SSBP2: variants seen among roughly 807,000 people sequenced by gnomAD.
SSBP2 encodes the protein single-stranded DNA-binding protein 2.
Under a neutral mutation model 61.8 loss-of-function variants are expected in SSBP2, and 17 were observed. That is an observed-to-expected ratio of 0.28 (90% confidence interval 0.19 to 0.41). SSBP2 has a LOEUF of 0.41. Ranked by LOEUF, SSBP2 falls within the 10% of genes least tolerant of loss-of-function variation. The probability of loss-of-function intolerance (pLI) is 1.00; values close to 1 mark genes in which losing one functional copy is unlikely to be tolerated. For synonymous variants in SSBP2, 139 were observed against 141.3 expected (o/e 0.98, Z 0.12); for missense variants, 310 against 458.7 (o/e 0.68, Z 2.96).
At chr5:81,473,825 G>C (rs1186784351) in intron 7 of SSBP2, 55 bp from the exon 8 acceptor site, 1 of 1,494,398 alleles carries the variant, frequency 6.7e-7, no homozygotes, top group Non-Finnish European at 9.3e-7. Context: ...CTAAACCAGA[G>C]GCTAGCAGCT....
At chr5:81,594,899 T>C (rs1453667295) in intron 4 of SSBP2, among the ~76,000 whole-genome samples, 5 of 152,008 alleles carry the variant, frequency 3.3e-5, no homozygotes, top group Non-Finnish European at 5.9e-5. Flanking sequence ...AGGAAAGATC[T>C]AAAATTGACA....
At chr5:81,638,159 C>T (rs1354845266) in intron 2 of SSBP2, among the ~76,000 whole-genome samples, 1 of 150,382 alleles carries the variant, frequency 6.6e-6, no homozygotes, top group Non-Finnish European at 1.5e-5. Flanking sequence ...TGCTAGATGA[C>T]GAGTTAGTGG....
At chr5:81,598,599 C>A (rs1388781301) in intron 4 of SSBP2, among the ~76,000 whole-genome samples, 1 of 152,162 alleles carries the variant, frequency 6.6e-6, no homozygotes, top group Admixed American at 6.5e-5. Flanking sequence ...CTCCAACCCA[C>A]CCTTCTTATT....
chr5:81,599,758 T>A (rs1311701370), intron 4 of SSBP2, among the ~76,000 whole-genome samples: 1 of 152,246 alleles, frequency 6.6e-6, no homozygotes, highest in East Asian at 1.9e-4. Flanking sequence ...TTCTGGCCGT[T>A]ATAGCAGGTA....
In SSBP2 at chr5:81,413,043, G is replaced by A. The variant is rs1274402866; in HGVS notation, c.*7461C>T. 6.6e-6 allele frequency: 1 copy of A among 152,146 alleles called. No homozygotes were observed. The highest frequency in any genetic ancestry group is 1.5e-5 in the Non-Finnish European group (1 of 68,002). 9.4% of individuals were successfully genotyped at this position (152,146 alleles called of 1,614,324 possible). A position where few individuals can be genotyped will look rare whatever the true frequency, so the allele number is the denominator to read the frequency against. On this transcript the variant is annotated 3_prime_UTR_variant, in exon 17 of 17. Coordinates refer to ENST00000320672, the MANE Select transcript of SSBP2 (RefSeq NM_012446.5). ...ATGTCCACATTAGTTATATTTTGAT[G>A]TTTATGCTGGCTTCATACAAACTTG...
intron 1 of SSBP2, among the ~76,000 whole-genome samples, chr5:81,709,332 A>G (rs1754613686): frequency 6.6e-6 from 1 of 151,784 alleles, no homozygotes; most frequent in African/African-American, 2.4e-5. Flanking sequence ...GCAAATAATT[A>G]TTTTTCCATT....
intron 4 of SSBP2, among the ~76,000 whole-genome samples, chr5:81,589,331 TAAAAC>T (rs1775319892): frequency 6.6e-6 from 1 of 152,254 alleles, no homozygotes; most frequent in African/African-American, 2.4e-5. Flanking sequence ...GGAAATTAGA[TAAAAC>T]AAAAGACAAA....
At chr5:81,428,294 C>T (rs752111430) in intron 16 of SSBP2, among the ~76,000 whole-genome samples, 5 of 152,170 alleles carry the variant, frequency 3.3e-5, no homozygotes, top group Non-Finnish European at 5.9e-5. Flanking sequence ...AGCATGAAAA[C>T]TTATAAAAAG....
At chr5:81,484,447 T>C (rs1467551206) in intron 6 of SSBP2, among the ~76,000 whole-genome samples, 3 of 152,002 alleles carry the variant, frequency 2.0e-5, no homozygotes, top group Non-Finnish European at 4.4e-5. Flanking sequence ...CCTATAAAGG[T>C]AGAACAAAAT....
chr5:81,620,344 C>A (rs1452901144), intron 3 of SSBP2, among the ~76,000 whole-genome samples: 1 of 132,840 alleles, frequency 7.5e-6, no homozygotes, highest in Non-Finnish European at 1.6e-5. Flanking sequence ...TGAGTGAACT[C>A]CCATTCACAA....
intron 1 of SSBP2, among the ~76,000 whole-genome samples, chr5:81,738,272 A>G (rs1450947056): frequency 6.6e-6 from 1 of 152,222 alleles, no homozygotes; most frequent in Non-Finnish European, 1.5e-5. Flanking sequence ...AAATTTACAC[A>G]TTTAGGATAT....
intron 4 of SSBP2, among the ~76,000 whole-genome samples, chr5:81,601,175 G>A (rs1326865832): frequency 6.6e-6 from 1 of 152,152 alleles, no homozygotes; most frequent in African/African-American, 2.4e-5. Flanking sequence ...GGAAGGCTTT[G>A]TTGGTAATTT....
intron 10 of SSBP2, among the ~76,000 whole-genome samples, chr5:81,454,945 T>G (rs1025551408): frequency 3.3e-5 from 5 of 151,916 alleles, no homozygotes; most frequent in Non-Finnish European, 5.9e-5. Flanking sequence ...AGGTGCAGAA[T>G]GAGAATAAAG....
At chr5:81,440,034 A>G (rs1026819338) in intron 14 of SSBP2, among the ~76,000 whole-genome samples, 1 of 152,162 alleles carries the variant, frequency 6.6e-6, no homozygotes, top group East Asian at 1.9e-4. Context: ...CAATGTAGGC[A>G]GTGTTCTCTT....
chr5:81,489,487 T>G (rs1313045056), intron 5 of SSBP2, among the ~76,000 whole-genome samples, 178 bp from the exon 6 acceptor site: 4 of 152,206 alleles, frequency 2.6e-5, no homozygotes, highest in Admixed American at 1.3e-4. Context: ...ATTACTTATT[T>G]TGTAGAATAT....
At position 81,637,320 on chromosome 5, in the gene SSBP2, G is replaced by C. The variant is rs143414863; in HGVS notation, c.136-702C>G. Among the ~76,000 whole-genome samples the C allele has an allele frequency of 2.1e-3, 314 of 152,244 alleles. 2 individuals are homozygous for C. The highest frequency in any genetic ancestry group is 7.3e-3 in the African/African-American group (304 of 41,540). On this transcript the variant is annotated intron_variant, in intron 2 of 16. Coordinates refer to ENST00000320672, the MANE Select transcript of SSBP2 (RefSeq NM_012446.5). ...TGATAACCACAAGCTCTTCCTTTTG[G>C]TGCCTCAGCCCTAGTGATTGCTCAC...
chr5:81,711,902 A>G (rs894232402), intron 1 of SSBP2, among the ~76,000 whole-genome samples: 3 of 151,950 alleles, frequency 2.0e-5, no homozygotes, highest in Non-Finnish European at 2.9e-5. Context: ...AGGGAGGAAA[A>G]TAAGAGTCCC....
At chr5:81,594,518 C>A (rs576161996) in intron 4 of SSBP2, among the ~76,000 whole-genome samples, 1 of 152,302 alleles carries the variant, frequency 6.6e-6, no homozygotes, top group African/African-American at 2.4e-5. Flanking sequence ...GAACTCTCCA[C>A]CCCAAATCAA....
chr5:81,591,733 T>C (rs2972239), intron 4 of SSBP2, among the ~76,000 whole-genome samples: 1 of 151,340 alleles, frequency 6.6e-6, no homozygotes, highest in Middle Eastern at 3.2e-3. Flanking sequence ...GTACTCAAAC[T>C]GAAACACAGA....
Sources: allele counts gnomAD v4.1 joint callset (sites outside exome capture counted in the v4.1 genomes callset), GRCh38; gene constraint gnomAD v4.1.1; transcripts MANE v1.5; gene names NCBI Gene and HGNC (gene_info 2026-07-23, HGNC 2026-07-21).